The following SEMA5A variants were observed in gnomAD, a reference collection of about 807,000 sequenced individuals.
The protein encoded by SEMA5A is semaphorin 5A, also known as semaphorin-5A.
SEMA5A carries 55 observed loss-of-function variants against 135.5 expected under a neutral mutation model. The observed-to-expected ratio is 0.41, with a 90% CI of 0.33 to 0.51. The LOEUF is 0.51. Ranked by LOEUF, SEMA5A falls within the 20% of genes least tolerant of loss-of-function variation. The probability of loss-of-function intolerance (pLI) is 0.37; values close to 1 mark genes in which losing one functional copy is unlikely to be tolerated. For synonymous variants in SEMA5A, 580 were observed against 546.5 expected (o/e 1.06, Z -0.85); for missense variants, 1,290 against 1,419.9 (o/e 0.91, Z 1.47).
chr5:9,406,727 A>T (rs1219329136), intron 2 of SEMA5A, among the ~76,000 whole-genome samples: 1 of 152,234 alleles, frequency 6.6e-6, no homozygotes, highest in South Asian at 2.1e-4. Flanking sequence ...TCAGATTTAA[A>T]ATCATAAAAC....
In SEMA5A at chr5:9,379,833, G is replaced by C; in HGVS notation, c.114C>G (p.Ile38Met). Residue 38 changes from isoleucine to methionine, a missense_variant, in exon 3 of 23, where the codon ATC becomes ATG. Ile to Met is a conservative substitution (Grantham distance 10). Coordinates refer to ENST00000382496, the MANE Select transcript of SEMA5A (RefSeq NM_003966.3). Reference sequence around the variant, plus strand: ...GTGCTGGTTCCTTACCTTTATAGGAGATGACTGGATGCTCGGTTCTCTGGC... The same window carrying C: ...GTGCTGGTTCCTTACCTTTATAGGACATGACTGGATGCTCGGTTCTCTGGC... ...TQCQRTEHPV[I>M]SYKEIGPWLR... The C allele has an allele frequency of 1.2e-6, 2 of 1,613,980 alleles. No homozygotes were observed. Among genetic ancestry groups the C allele is most frequent in the Non-Finnish European group, 1.7e-6 (2 of 1,179,968 alleles).
chr5:9,161,369 T>A (rs1407485593), intron 11 of SEMA5A, among the ~76,000 whole-genome samples: 1 of 152,040 alleles, frequency 6.6e-6, no homozygotes, highest in East Asian at 1.9e-4. Context: ...TGGTGACACA[T>A]CAGACTCCAC....
chr5:9,391,025 C>T (rs1326045714), intron 2 of SEMA5A: 1 of 152,178 alleles, frequency 6.6e-6, no homozygotes, highest in East Asian at 1.9e-4. Flanking sequence ...AACCCAGGGT[C>T]ATCTTGCTGT....
At chr5:9,438,920 C>T (rs956044483) in intron 1 of SEMA5A, among the ~76,000 whole-genome samples, 3 of 152,174 alleles carry the variant, frequency 2.0e-5, no homozygotes, top group African/African-American at 7.2e-5. Flanking sequence ...TGCTGAAGTG[C>T]CATTTTGGAA....
intron 5 of SEMA5A, among the ~76,000 whole-genome samples, chr5:9,302,022 C>T (rs1482868479): frequency 6.6e-6 from 1 of 152,046 alleles, no homozygotes; most frequent in African/African-American, 2.4e-5. Context: ...GCTGTAGTTG[C>T]ATCACTCTAA....
chr5:9,290,559 T>C (rs766088730), intron 5 of SEMA5A, among the ~76,000 whole-genome samples: 5 of 152,192 alleles, frequency 3.3e-5, no homozygotes, highest in Non-Finnish European at 5.9e-5. Flanking sequence ...GACAATTTCT[T>C]TTCTACAGGT....
chr5:9,526,565 G>A (rs1737136139), intron 1 of SEMA5A, among the ~76,000 whole-genome samples: 1 of 152,162 alleles, frequency 6.6e-6, no homozygotes, highest in African/African-American at 2.4e-5. Context: ...ATTTTTTAAA[G>A]GAAATGGTGT....
chr5:9,053,913 T>C, intron 19 of SEMA5A, 174 bp downstream of exon 19: 1 of 636,126 alleles, frequency 1.6e-6, no homozygotes, highest in Non-Finnish European at 2.5e-6. Context: ...GTGAGAACTA[T>C]TTTATTATAG....
At chr5:9,212,201 T>C (rs1188454044) in intron 8 of SEMA5A, among the ~76,000 whole-genome samples, 1 of 152,236 alleles carries the variant, frequency 6.6e-6, no homozygotes, top group Non-Finnish European at 1.5e-5. Flanking sequence ...TGGAAATGTA[T>C]TTTCACCTTT....
chr5:9,055,879 T>A (rs1266169031), intron 18 of SEMA5A, among the ~76,000 whole-genome samples: 3 of 147,196 alleles, frequency 2.0e-5, no homozygotes, highest in African/African-American at 2.5e-5. Flanking sequence ...CTTTAAAAAT[T>A]AAAAAAAAAA....
chr5:9,228,445 T>C (rs993411758), intron 6 of SEMA5A, among the ~76,000 whole-genome samples: 3 of 152,182 alleles, frequency 2.0e-5, no homozygotes, highest in Admixed American at 6.5e-5. Flanking sequence ...GGAGCTCACA[T>C]AGAAGCCGAG....
intron 18 of SEMA5A, among the ~76,000 whole-genome samples, chr5:9,055,025 C>G (rs560260629): frequency 6.6e-6 from 1 of 152,326 alleles, no homozygotes; most frequent in African/African-American, 2.4e-5. Context: ...TCTCTGCCTG[C>G]TCAAGTTAGC....
At chr5:9,315,876 T>C (rs1047241611) in intron 5 of SEMA5A, among the ~76,000 whole-genome samples, 2 of 152,176 alleles carry the variant, frequency 1.3e-5, no homozygotes, top group African/African-American at 4.8e-5. Flanking sequence ...AATTAATAAG[T>C]ATCATATAGG....
intron 11 of SEMA5A, among the ~76,000 whole-genome samples, chr5:9,184,163 A>T (rs984169335): frequency 1.5e-4 from 23 of 150,392 alleles, no homozygotes; most frequent in African/African-American, 5.6e-4. Context: ...CTCAATTCAC[A>T]TTTTCTTTTT....
At chr5:9,244,914 G>A (rs560450497) in intron 5 of SEMA5A, among the ~76,000 whole-genome samples, 7 of 152,218 alleles carry the variant, frequency 4.6e-5, no homozygotes, top group African/African-American at 7.2e-5. Flanking sequence ...GAATGCATCC[G>A]CTCTGGGAAG....
chr5:9,125,151 T>A (rs1231491325), intron 13 of SEMA5A, among the ~76,000 whole-genome samples: 2 of 152,156 alleles, frequency 1.3e-5, no homozygotes, highest in Non-Finnish European at 2.9e-5. Context: ...ACATGACCGG[T>A]TGGCCAAATC....
intron 15 of SEMA5A, among the ~76,000 whole-genome samples, chr5:9,110,414 G>A (rs1740175859): frequency 6.6e-6 from 1 of 152,188 alleles, no homozygotes; most frequent in Non-Finnish European, 1.5e-5. Context: ...AGAACAAACA[G>A]CAACTAGAGG....
intron 16 of SEMA5A, among the ~76,000 whole-genome samples, chr5:9,101,196 T>TTTAAG (rs1174205959): frequency 6.6e-6 from 1 of 152,226 alleles, no homozygotes; most frequent in Non-Finnish European, 1.5e-5. Flanking sequence ...CTCATTGGTG[T>TTTAAG]TTAAGTTAAT....
intron 2 of SEMA5A, among the ~76,000 whole-genome samples, chr5:9,424,118 T>A (rs1757563161): frequency 6.6e-6 from 1 of 151,762 alleles, no homozygotes; most frequent in Non-Finnish European, 1.5e-5. Flanking sequence ...CTCCCAAGAC[T>A]CAACTGGAAA....
Sources: allele counts gnomAD v4.1 joint callset (sites outside exome capture counted in the v4.1 genomes callset), GRCh38; gene constraint gnomAD v4.1.1; transcripts MANE v1.5; gene names NCBI Gene and HGNC (gene_info 2026-07-23, HGNC 2026-07-21).